Variants in GRHL1 observed in about 807,000 individuals in gnomAD.
GRHL1 encodes grainyhead like transcription factor 1.
Under a neutral mutation model 75.7 loss-of-function variants are expected in GRHL1, and 38 were observed. The observed-to-expected ratio is 0.50, with a 90% CI of 0.39 to 0.66. GRHL1 has a LOEUF of 0.66. Ranked by LOEUF, GRHL1 falls within the 30% of genes least tolerant of loss-of-function variation. GRHL1 has a pLI of 0.00. For missense variants in GRHL1, 589 were observed against 767.5 expected, an observed-to-expected ratio of 0.77 and a Z score of 2.75; for synonymous variants, 266 against 279.4, an observed-to-expected ratio of 0.95 and a Z score of 0.48.
intron 8 of GRHL1, among the ~76,000 whole-genome samples, chr2:9,983,778 T>TC (rs1295727679): frequency 1.2e-3 from 174 of 141,304 alleles, no homozygotes; most frequent in African/African-American, 5.0e-3. Context: ...TGCATGGACT[T>TC]TTTTTTTTTT....
At chr2:9,998,667 T>TACACATACATATACATATATATGTAC (rs1669063366) in intron 14 of GRHL1, among the ~76,000 whole-genome samples, 1 of 68,946 alleles carries the variant, frequency 1.5e-5, no homozygotes, top group Non-Finnish European at 2.5e-5. Flanking sequence ...CATATATATG[T>TACACATACATATACATATATATGTAC]ACACATATAT....
Position 9,996,341 on chromosome 2 carries a change from A to G in GRHL1, c.1617A>G (p.Ser539=). ...KRVLLYVRKE[S]EEVFDALMLK... ...TGCTGCTCTACGTTCGAAAGGAGTC[A>G]GAAGAAGTCTTTGATGCCCTGATGC... The change falls in exon 14 of 16, where the codon TCA becomes TCG. Residue 539 remains serine, a synonymous_variant. Transcript: ENST00000324907. 6.2e-7 allele frequency: 1 copy of G among 1,613,152 alleles called. No homozygotes were observed. Among genetic ancestry groups the G allele is most frequent in the Non-Finnish European group, 8.5e-7 (1 of 1,179,096 alleles).
rs551078323 is a variant in GRHL1 at position 9,975,740 on chromosome 2, T to A, written c.1110+10359T>A. On this transcript the variant is annotated intron_variant, in intron 8 of 15. Coordinates refer to ENST00000324907, the MANE Select transcript of GRHL1 (RefSeq NM_198182.3). ...TAAATACAAAAAAAAAAAAAAATTA[T>A]CTGAGTGTGGTGATGCGTGCCTGTA... Among the ~76,000 whole-genome samples the A allele has an allele frequency of 9.3e-5, 14 of 150,998 alleles. No homozygotes were observed. The East Asian group carries it at 2.7e-3, about 29-fold the overall frequency.
intron 8 of GRHL1, among the ~76,000 whole-genome samples, chr2:9,973,668 G>C (rs753195320): frequency 6.6e-6 from 1 of 152,194 alleles, no homozygotes; most frequent in Admixed American, 6.5e-5. Context: ...TCTATGAACT[G>C]TCTTAGAGCA....
chr2:9,973,984 C>T (rs1034419198), intron 8 of GRHL1, among the ~76,000 whole-genome samples: 3 of 152,208 alleles, frequency 2.0e-5, no homozygotes, highest in Non-Finnish European at 4.4e-5. Flanking sequence ...TTTCATGCCT[C>T]ATGACCAAAA....
At position 9,996,300 on chromosome 2, in the gene GRHL1, GTT is replaced by G. The variant is rs540346721; in HGVS notation, c.1592-15_1592-14del. The G allele has an allele frequency of 7.3e-5, 115 of 1,582,116 alleles. No homozygotes were observed. The highest frequency in any genetic ancestry group is 8.7e-5 in the Non-Finnish European group (100 of 1,151,144). ...CTCTCTTTTCCCTTCCTTATTCCTGGTTGGGGATTGATTAGTGCTGCTCTACG... is the reference window on the plus strand; with the variant it reads ...CTCTCTTTTCCCTTCCTTATTCCTGGGGGGATTGATTAGTGCTGCTCTACG... On this transcript the variant is annotated splice_polypyrimidine_tract_variant and intron_variant, in intron 13 of 15. Coordinates refer to ENST00000324907, the MANE Select transcript of GRHL1 (RefSeq NM_198182.3).
At chr2:9,976,598 A>G (rs1667956581) in intron 8 of GRHL1, among the ~76,000 whole-genome samples, 1 of 152,200 alleles carries the variant, frequency 6.6e-6, no homozygotes, top group African/African-American at 2.4e-5. Flanking sequence ...CTTTTTAGTC[A>G]GAAGCGTATC....
chr2:9,964,224 C>A lies in GRHL1; in HGVS notation c.904-11C>A, dbSNP rs1342613025. ...TAGTGTCTTTATGTTGTAATGCATTCTCTTTCACAGAGTGTGATCATGGTG... is the reference window on the plus strand; with the variant it reads ...TAGTGTCTTTATGTTGTAATGCATTATCTTTCACAGAGTGTGATCATGGTG... On this transcript the variant is annotated splice_polypyrimidine_tract_variant and intron_variant, in intron 6 of 15. Transcript: ENST00000324907. 2 of 1,538,772 alleles carry A rather than the reference C, an allele frequency of 1.3e-6. No individual in the cohort carries two copies. The highest frequency in any genetic ancestry group is 1.8e-6 in the Non-Finnish European group (2 of 1,115,866).
Position 9,961,147 on chromosome 2 carries a change from G to A in GRHL1, c.380G>A (p.Gly127Asp), listed in dbSNP as rs1667250915. The A allele has an allele frequency of 6.2e-7, 1 of 1,612,640 alleles. No individual in the cohort carries two copies. Among genetic ancestry groups the A allele is most frequent in the Non-Finnish European group, 8.5e-7 (1 of 1,179,318 alleles). ...CCATTTAACATTGTCCTTCCCCATG[G>A]CAACCAGCTGGGCATTGATAAGAGA... ...NVPFNIVLPH[G>D]NQLGIDKRGH... Residue 127 changes from glycine (G) to aspartate (D), a missense_variant, in exon 4 of 16, where the codon GGC (glycine) becomes GAC (aspartate). Physicochemically the swap from Gly to Asp is moderately conservative, Grantham distance 94 (BLOSUM62 -1). Around this residue, in one of 5 missense-constraint regions of GRHL1, gnomAD observed 362 missense variants for 461.8 expected, o/e 0.78. Transcript: ENST00000324907.
At chr2:9,998,423 C>CGTGTGTGCGTGT (rs1553306759) in intron 14 of GRHL1, among the ~76,000 whole-genome samples, 1 of 33,844 alleles carries the variant, frequency 3.0e-5, no homozygotes, top group Non-Finnish European at 5.2e-5. Context: ...AGTGACTATG[C>CGTGTGTGCGTGT]ATGTGTGTGT....
chr2:9,954,635 C>T (rs921678768), intron 1 of GRHL1, among the ~76,000 whole-genome samples: 6 of 152,062 alleles, frequency 3.9e-5, no homozygotes, highest in South Asian at 2.1e-4. Context: ...GGCATTTTCT[C>T]GGGGATGGTT....
chr2:9,998,091 C>G (rs771137034), intron 14 of GRHL1, among the ~76,000 whole-genome samples: 16 of 152,114 alleles, frequency 1.1e-4, no homozygotes, highest in African/African-American at 3.4e-4. Flanking sequence ...CGTTTGCCAC[C>G]TGAGGCTCTG....
At chr2:9,970,717 G>C (rs1305004617) in intron 8 of GRHL1, among the ~76,000 whole-genome samples, 2 of 152,144 alleles carry the variant, frequency 1.3e-5, no homozygotes, top group Non-Finnish European at 2.9e-5. Flanking sequence ...TTGTTCCCTG[G>C]GGGAAGAAAA....
chr2:9,994,200 A>G (rs756010811), intron 12 of GRHL1, among the ~76,000 whole-genome samples: 7 of 152,100 alleles, frequency 4.6e-5, no homozygotes, highest in Non-Finnish European at 8.8e-5. Context: ...GTAGGAGTGC[A>G]GGGGTGCAGT....
intron 8 of GRHL1, among the ~76,000 whole-genome samples, chr2:9,983,189 C>G (rs1668270800): frequency 6.9e-6 from 1 of 145,162 alleles, no homozygotes; most frequent in Non-Finnish European, 1.5e-5. Context: ...GCCCCATCTT[C>G]TCTTTGGCAT....
intron 8 of GRHL1, chr2:9,966,241 T>C (rs1667489405): frequency 1.3e-5 from 2 of 151,976 alleles, no homozygotes; most frequent in Admixed American, 6.6e-5. Flanking sequence ...CTACTAAAAA[T>C]ACAAAAAGTA....
chr2:9,981,964 CAT>C (rs1299623620), intron 8 of GRHL1, among the ~76,000 whole-genome samples: 1 of 152,186 alleles, frequency 6.6e-6, no homozygotes, highest in Non-Finnish European at 1.5e-5. Context: ...TCAAACATAA[CAT>C]GAGTAATAAA....
At chr2:9,996,077 G>C (rs1428488256) in intron 13 of GRHL1, 107 bp downstream of exon 13, 7 of 823,452 alleles carry the variant, frequency 8.5e-6, no homozygotes, top group African/African-American at 1.7e-5. Flanking sequence ...TCACTTGCTT[G>C]GGAATTCTTC....
rs764826025 is a variant in GRHL1, at chr2:9,951,889, G to C, written c.20+36G>C. 41 of 1,411,988 alleles carry C rather than the reference G, an allele frequency of 2.9e-5. No individual in the cohort carries two copies. In the Admixed American group the frequency reaches 5.6e-4, roughly 19 times the overall value. The allele number at this position is 1,411,988 out of a possible 1,614,324, so 87.5% of individuals were successfully genotyped here. A position where few individuals can be genotyped will look rare whatever the true frequency, so the allele number is the denominator to read the frequency against. On this transcript the variant is annotated intron_variant, in intron 1 of 15. Coordinates refer to ENST00000324907, the MANE Select transcript of GRHL1 (RefSeq NM_198182.3). This position sits in a 1 kb window ranked among gnomAD's most constrained non-coding sequence, Gnocchi z 4.2. ...CGCAGGAGTCCGGCCGCCGCGGGGG[G>C]GCCGCGCTGAGGGGCCGCACCTGCA... is the stretch of plus-strand genomic sequence containing the variant.
Sources: allele counts gnomAD v4.1 joint callset (sites outside exome capture counted in the v4.1 genomes callset), GRCh38; gene constraint gnomAD v4.1.1; regional missense constraint gnomAD v4.1.1; non-coding constraint Gnocchi (gnomAD v3.1); transcripts MANE v1.5; gene names NCBI Gene and HGNC (gene_info 2026-07-23, HGNC 2026-07-21).